Variants in DNAH9 observed in about 807,000 individuals in gnomAD.
DNAH9 encodes the protein dynein axonemal heavy chain 9, also known as DNAH9 variant protein.
In DNAH9, 345 loss-of-function variants were observed where a neutral mutation model predicts 471.6. The ratio of observed to expected loss-of-function variants is 0.73; its 90% confidence interval spans 0.67 to 0.80. The LOEUF (loss-of-function observed/expected upper bound fraction) is 0.80, where lower values mean the gene tolerates loss of function less well. DNAH9 is among the 30% of genes least tolerant of loss of function. DNAH9 has a pLI of 0.00. For missense variants in DNAH9, 5,407 were observed against 5,609.2 expected (o/e 0.96, Z 1.15); for synonymous variants, 2,093 against 2,123.6 (o/e 0.99, Z 0.40).
At chr17:11,909,407 T>G (rs1018876964) in intron 61 of DNAH9, among the ~76,000 whole-genome samples, 1 of 152,148 alleles carries the variant, frequency 6.6e-6, no homozygotes. Context: ...GGACAGTCCC[T>G]ATGCCCCCAA....
At chr17:11,766,823 G>T (rs1967960080) in intron 36 of DNAH9, among the ~76,000 whole-genome samples, 1 of 151,980 alleles carries the variant, frequency 6.6e-6, no homozygotes, top group South Asian at 2.1e-4. Context: ...AATTAGCCGG[G>T]CTTGGGCATG....
Position 11,757,633 on chromosome 17 carries a change from C to G in DNAH9, c.6936C>G (p.Ala2312=). The change falls in exon 35 of 69, where the codon GCC becomes GCG. Residue 2312 remains alanine (A), a synonymous_variant. Transcript: ENST00000262442. ...AGAGGGAAATCCAGACAGAGAGAGCCAACTTAACCATTTTGTTCGACAAGT... is the reference window on the plus strand; with the variant it reads ...AGAGGGAAATCCAGACAGAGAGAGCGAACTTAACCATTTTGTTCGACAAGT... ...IEKREIQTER[A]NLTILFDKYL... The G allele has an allele frequency of 6.2e-7, 1 of 1,614,130 alleles. No individual in the cohort carries two copies. Among genetic ancestry groups the G allele is most frequent in the Non-Finnish European group, 8.5e-7 (1 of 1,180,002 alleles).
chr17:11,915,999 A>T (rs768909844), intron 61 of DNAH9, among the ~76,000 whole-genome samples: 4 of 152,238 alleles, frequency 2.6e-5, no homozygotes, highest in Non-Finnish European at 5.9e-5. Context: ...ATGAACTAAC[A>T]AACGAACAAA....
intron 12 of DNAH9, 98 bp from the exon 13 acceptor site, chr17:11,650,971 G>A: frequency 1.5e-6 from 2 of 1,301,214 alleles, no homozygotes; most frequent in Non-Finnish European, 2.1e-6. Context: ...AGACCCAGAA[G>A]ATCTTTGGGC....
chr17:11,619,775 G>T lies in DNAH9; in HGVS notation c.1344G>T (p.Val448=). 1.9e-6 allele frequency: 3 copies of T among 1,599,614 alleles called. No individual in the cohort carries two copies. The highest frequency in any genetic ancestry group is 2.2e-5 in the South Asian group (2 of 90,792). The change falls in exon 6 of 69, where the codon GTG becomes GTT. Residue 448 remains valine (V), a synonymous_variant. Transcript: ENST00000262442. ...RLDGFLGQLH[V]VEGLLKTALD... is the part of the protein sequence containing the mutation. ...ATGGCTTCCTGGGACAACTGCACGT[G>T]GTGGAGGTGAGTGCGCACCTCACCT...
intron 67 of DNAH9, among the ~76,000 whole-genome samples, chr17:11,959,912 T>G (rs1378681902): frequency 6.6e-6 from 1 of 152,262 alleles, no homozygotes; most frequent in Non-Finnish European, 1.5e-5. Context: ...GTTGCTGGTC[T>G]GATTAGGGAT....
chr17:11,877,473 TAAAAAAAA>T (rs550300868), intron 53 of DNAH9, among the ~76,000 whole-genome samples: 6,521 of 68,664 alleles, frequency 0.095, 317 homozygotes, highest in South Asian at 0.16. Flanking sequence ...AAACTCTGTC[TAAAAAAAA>T]AAAAAAAAAA....
chr17:11,891,277 G>A lies in DNAH9; in HGVS notation c.11113-500G>A, dbSNP rs114431185. Among the ~76,000 whole-genome samples, 802 of 152,300 alleles carry A rather than the reference G, an allele frequency of 5.3e-3. 11 individuals are homozygous for A. Among genetic ancestry groups the A allele is most frequent in the African/African-American group, 0.018 (762 of 41,570 alleles). ...CTTATAGCTATGTAATAATTCACAT[G>A]AGCAAACTAACAAAAGATAATAGCA... On this transcript the variant is annotated intron_variant, in intron 57 of 68. Transcript: ENST00000262442.
intron 4 of DNAH9, among the ~76,000 whole-genome samples, chr17:11,616,965 T>C (rs2072759592): frequency 6.6e-6 from 1 of 152,186 alleles, no homozygotes; most frequent in Non-Finnish European, 1.5e-5. Context: ...ACCTTCAGCC[T>C]TCACAAGGAC....
At chr17:11,704,055 TG>T in intron 24 of DNAH9, 147 bp from the exon 25 acceptor site, 1 of 881,110 alleles carries the variant, frequency 1.1e-6, no homozygotes, top group Non-Finnish European at 1.8e-6. Context: ...TTAGAGCATA[TG>T]GTTCACTTAG....
Position 11,679,996 on chromosome 17 carries a change from C to T in DNAH9, c.3576+17C>T. ...CAGCTGGAGGTCAGTGCATTTATGTCTTCCTTATAAAAGAAATAGAGGAAA... is the reference window on the plus strand; with the variant it reads ...CAGCTGGAGGTCAGTGCATTTATGTTTTCCTTATAAAAGAAATAGAGGAAA... On this transcript the variant is annotated intron_variant, in intron 18 of 68. Coordinates refer to ENST00000262442, the MANE Select transcript of DNAH9 (RefSeq NM_001372.4). The T allele has an allele frequency of 6.3e-7, 1 of 1,587,086 alleles. No homozygotes were observed. Among genetic ancestry groups the T allele is most frequent in the Non-Finnish European group, 8.6e-7 (1 of 1,157,332 alleles).
chr17:11,827,687 C>CTT (rs35848318), intron 48 of DNAH9, among the ~76,000 whole-genome samples: 1 of 146,966 alleles, frequency 6.8e-6, no homozygotes, highest in Non-Finnish European at 1.5e-5. Context: ...ATCCTTGGTT[C>CTT]TTTTTTTTTT....
intron 28 of DNAH9, among the ~76,000 whole-genome samples, chr17:11,736,426 G>A (rs1332688632): frequency 1.3e-5 from 2 of 152,150 alleles, no homozygotes; most frequent in Non-Finnish European, 2.9e-5. Context: ...CTTCCGTCTG[G>A]CTGGGCTTGC....
rs570083836 is a variant in DNAH9 at position 11,731,320 on chromosome 17, A to G, written c.5814+3398A>G. The stretch of plus-strand genomic sequence containing the variant: ...CATTATTATCTGAACACTGCAGGAA[A>G]TGGGTTGAAGAGAAGTAGAAGCCGG... On this transcript the variant is annotated intron_variant, in intron 28 of 68. Coordinates refer to ENST00000262442, the MANE Select transcript of DNAH9 (RefSeq NM_001372.4). 5.9e-5 allele frequency among the ~76,000 whole-genome samples: 9 copies of G among 152,028 alleles called. No homozygotes were observed. The South Asian group carries it at 1.9e-3, about 32-fold the overall frequency.
chr17:11,827,385 TA>T (rs1405291274), intron 48 of DNAH9, among the ~76,000 whole-genome samples: 1 of 152,082 alleles, frequency 6.6e-6, no homozygotes, highest in African/African-American at 2.4e-5. Context: ...CTTTTACTGA[TA>T]GGGGAAGGCG....
chr17:11,655,059 T>C (rs570308474), intron 14 of DNAH9, among the ~76,000 whole-genome samples: 10 of 152,254 alleles, frequency 6.6e-5, no homozygotes, highest in African/African-American at 2.4e-4. Context: ...TTTTTATCTT[T>C]TTCTGCTAAT....
Position 11,711,938 on chromosome 17 carries a change from T to A in DNAH9, c.5552+6753T>A, listed in dbSNP as rs1398289255. On this transcript the variant is annotated intron_variant, in intron 26 of 68. Coordinates refer to ENST00000262442, the MANE Select transcript of DNAH9 (RefSeq NM_001372.4). The stretch of plus-strand genomic sequence containing the variant: ...TATATTTATATATAAATATATATAT[T>A]TGTATATATATTTATATATAAATAT... Among the ~76,000 whole-genome samples the A allele has an allele frequency of 5.4e-3, 142 of 26,424 alleles. 32 individuals carry two copies. Among genetic ancestry groups the A allele is most frequent in the African/African-American group, 9.5e-3 (55 of 5,776 alleles). The allele number at this position is 26,424 out of a possible 152,430, so 17.3% of individuals were successfully genotyped here.
intron 27 of DNAH9, among the ~76,000 whole-genome samples, chr17:11,723,957 G>A (rs1298813140): frequency 3.3e-5 from 5 of 152,302 alleles, no homozygotes; most frequent in Admixed American, 1.3e-4. Flanking sequence ...ACAGGCGTGA[G>A]CCACTGTGCC....
At chr17:11,879,349 C>T (rs1190896525) in intron 53 of DNAH9, among the ~76,000 whole-genome samples, 1 of 152,008 alleles carries the variant, frequency 6.6e-6, no homozygotes, top group East Asian at 1.9e-4. Context: ...TAGATAATGA[C>T]TCCCTCCTCT....
Sources: allele counts gnomAD v4.1 joint callset (sites outside exome capture counted in the v4.1 genomes callset), GRCh38; gene constraint gnomAD v4.1.1; transcripts MANE v1.5; gene names NCBI Gene and HGNC (gene_info 2026-07-23, HGNC 2026-07-21).